Variants in TAFA4 observed in about 807,000 individuals in gnomAD.
TAFA4 encodes chemokine-like protein TAFA-4.
Under a neutral mutation model 21.1 loss-of-function variants are expected in TAFA4, and 20 were observed. That is an observed-to-expected ratio of 0.95 (90% confidence interval 0.67 to 1.38). TAFA4 has a LOEUF of 1.38. Among genes scored for constraint, TAFA4 ranks in the 40% most tolerant of loss-of-function variants. The pLI, the probability that TAFA4 is intolerant of heterozygous loss-of-function variation, is 0.00. For missense variants in TAFA4, 211 were observed against 180.9 expected (o/e 1.17, Z -0.95); for synonymous variants, 71 against 67.4 (o/e 1.05, Z -0.26).
intron 1 of TAFA4, among the ~76,000 whole-genome samples, chr3:68,900,277 T>C (rs796409183): frequency 0.16 from 3,863 of 24,666 alleles, 67 homozygotes; most frequent in Middle Eastern, 0.31. Flanking sequence ...ATAATAATAA[T>C]AATAACAATA....
chr3:68,736,696 CAATTTT>C (rs1702247159), intron 5 of TAFA4, among the ~76,000 whole-genome samples: 1 of 152,058 alleles, frequency 6.6e-6, no homozygotes, highest in Non-Finnish European at 1.5e-5. Flanking sequence ...AGGTCAGTAA[CAATTTT>C]AAGAAAAAGA....
chr3:68,832,852 C>A (rs914315279), intron 3 of TAFA4, among the ~76,000 whole-genome samples: 3 of 152,240 alleles, frequency 2.0e-5, no homozygotes, highest in Admixed American at 6.5e-5. Flanking sequence ...CCAGTTCAAG[C>A]TTCCCCGACA....
chr3:68,875,034 T>C (rs539248479), intron 3 of TAFA4, among the ~76,000 whole-genome samples: 1 of 152,236 alleles, frequency 6.6e-6, no homozygotes, highest in East Asian at 1.9e-4. Flanking sequence ...CCATGGAAGC[T>C]TTTAGCATTC....
intron 3 of TAFA4, among the ~76,000 whole-genome samples, chr3:68,847,827 C>A (rs1201571667): frequency 6.6e-6 from 1 of 152,206 alleles, no homozygotes; most frequent in African/African-American, 2.4e-5. Context: ...GTATAGCATG[C>A]TTTAGAAACA....
chr3:68,808,276 C>A lies in TAFA4; in HGVS notation c.131-55258G>T, dbSNP rs540696113. 3.3e-5 allele frequency among the ~76,000 whole-genome samples: 5 copies of A among 152,266 alleles called. No homozygotes were observed. In the East Asian group the frequency reaches 7.7e-4, roughly 23 times the overall value. On this transcript the variant is annotated intron_variant, in intron 3 of 5. Coordinates refer to ENST00000295569, the MANE Select transcript of TAFA4 (RefSeq NM_182522.5). ...CTTCCACTGGCAGTTTCCAGCTGGT[C>A]CTGGGCCCTCAACCGTCCCACCTGA... is the stretch of plus-strand genomic sequence containing the variant.
chr3:68,787,962 CT>C (rs1318646349), intron 3 of TAFA4, among the ~76,000 whole-genome samples: 3 of 152,190 alleles, frequency 2.0e-5, no homozygotes, highest in Admixed American at 6.5e-5. Flanking sequence ...ACTCAATCAT[CT>C]CTCTCCAGTG....
intron 3 of TAFA4, among the ~76,000 whole-genome samples, chr3:68,776,778 A>G (rs1703056815): frequency 1.3e-5 from 2 of 152,204 alleles, no homozygotes; most frequent in African/African-American, 4.8e-5. Context: ...CAGTAAATTT[A>G]AAACTATTAA....
chr3:68,775,156 A>G (rs1703026278), intron 3 of TAFA4, among the ~76,000 whole-genome samples: 1 of 152,194 alleles, frequency 6.6e-6, no homozygotes, highest in African/African-American at 2.4e-5. Context: ...TATTTGTTAA[A>G]GCCCTTATGT....
intron 1 of TAFA4, among the ~76,000 whole-genome samples, chr3:68,889,903 C>T (rs2089714094): frequency 6.6e-6 from 1 of 152,160 alleles, no homozygotes; most frequent in Non-Finnish European, 1.5e-5. Flanking sequence ...TCAGAATGAA[C>T]TGTACACCCA....
chr3:68,733,060 C>A lies in TAFA4; in HGVS notation c.*82G>T. On this transcript the variant is annotated 3_prime_UTR_variant, in exon 6 of 6. Transcript: ENST00000295569. ...TGCTGAAATCCTAGACAATTTTCTG[C>A]AAAGGGGCCATGATGGGAATCCAAG... 6.3e-7 allele frequency: 1 copy of A among 1,583,110 alleles called. No individual in the cohort carries two copies.
chr3:68,738,316 G>T, intron 5 of TAFA4, among the ~76,000 whole-genome samples: 1 of 152,308 alleles, frequency 6.6e-6, no homozygotes, highest in East Asian at 1.9e-4. Flanking sequence ...GGACCAGGCA[G>T]AGGCTAGTGG....
intron 3 of TAFA4, among the ~76,000 whole-genome samples, chr3:68,849,769 A>C (rs1166823439): frequency 6.6e-6 from 1 of 152,184 alleles, no homozygotes; most frequent in East Asian, 1.9e-4. Context: ...ACAAAACCCC[A>C]GCCTTCATTC....
intron 3 of TAFA4, among the ~76,000 whole-genome samples, chr3:68,817,472 G>C (rs1458373871): frequency 6.6e-6 from 1 of 152,086 alleles, no homozygotes; most frequent in Non-Finnish European, 1.5e-5. Context: ...CATAAATCAT[G>C]AATGTTCTTA....
chr3:68,812,731 C>A (rs1553643568), intron 3 of TAFA4, among the ~76,000 whole-genome samples: 1 of 152,176 alleles, frequency 6.6e-6, no homozygotes, highest in Admixed American at 6.5e-5. Flanking sequence ...TAATGGGAGA[C>A]TTTAACACCC....
At chr3:68,835,683 AG>A (rs1704507996) in intron 3 of TAFA4, among the ~76,000 whole-genome samples, 2 of 152,222 alleles carry the variant, frequency 1.3e-5, no homozygotes, top group South Asian at 4.1e-4. Context: ...TAAAGTACAA[AG>A]TTGTGCAGCT....
chr3:68,755,519 A>C (rs1702645499), intron 3 of TAFA4, among the ~76,000 whole-genome samples: 1 of 152,182 alleles, frequency 6.6e-6, no homozygotes, highest in African/African-American at 2.4e-5. Context: ...GCCACCCTCT[A>C]AGATGCTCCC....
intron 1 of TAFA4, among the ~76,000 whole-genome samples, chr3:68,905,387 A>G (rs1348295981): frequency 6.6e-6 from 1 of 152,050 alleles, no homozygotes; most frequent in East Asian, 1.9e-4. Flanking sequence ...CCAGGATGGT[A>G]TCGATCTCCT....
rs568981213 is a variant in TAFA4, at chr3:68,788,698, A to G, written c.131-35680T>C. Among the ~76,000 whole-genome samples, 5 of 152,250 alleles carry G rather than the reference A, an allele frequency of 3.3e-5. No individual in the cohort carries two copies. The East Asian group carries it at 9.7e-4, about 29-fold the overall frequency. On this transcript the variant is annotated intron_variant, in intron 3 of 5. Transcript: ENST00000295569. ...ATCATCATAGATCACTGCAGCCTCC[A>G]ACTCCTGGGCTCAAGCCATGTTCCT...
chr3:68,815,814 G>T (rs765151359), intron 3 of TAFA4, among the ~76,000 whole-genome samples: 5 of 152,174 alleles, frequency 3.3e-5, no homozygotes, highest in Non-Finnish European at 7.3e-5. Context: ...CCATTACTGG[G>T]TATATACCCA....
Sources: gnomAD v4.1 joint callset for allele counts (sites outside exome capture counted in the v4.1 genomes callset) on GRCh38, gnomAD v4.1.1 for gene constraint, MANE v1.5 for transcripts, NCBI Gene and HGNC (gene_info 2026-07-23, HGNC 2026-07-21) for gene names.